Variants in ZBTB7C observed in about 807,000 individuals in gnomAD.
ZBTB7C encodes zinc finger and BTB domain-containing protein 7C.
ZBTB7C carries 8 observed loss-of-function variants against 25.7 expected under a neutral mutation model. The observed-to-expected ratio is 0.31, with a 90% CI of 0.18 to 0.56. ZBTB7C has a LOEUF of 0.56. Among genes scored for constraint, ZBTB7C ranks in the 20% least tolerant of loss-of-function variants. The pLI is 0.91. For missense variants in ZBTB7C, 824 were observed against 855.2 expected (o/e 0.96, Z 0.46); for synonymous variants, 394 against 369.0 (o/e 1.07, Z -0.78).
intron 1 of ZBTB7C, among the ~76,000 whole-genome samples, chr18:48,391,539 C>T (rs972082077): frequency 6.6e-6 from 1 of 152,144 alleles, no homozygotes; most frequent in Non-Finnish European, 1.5e-5. Flanking sequence ...TTAAATTAAC[C>T]AGACATGACT....
At chr18:48,396,792 A>G (rs1053226827) in intron 1 of ZBTB7C, among the ~76,000 whole-genome samples, 1 of 152,232 alleles carries the variant, frequency 6.6e-6, no homozygotes, top group Non-Finnish European at 1.5e-5. Flanking sequence ...TAATACAAGA[A>G]GAATTCTTAT....
chr18:48,172,363 G>A (rs1350270924), intron 3 of ZBTB7C, among the ~76,000 whole-genome samples: 1 of 152,206 alleles, frequency 6.6e-6, no homozygotes, highest in Non-Finnish European at 1.5e-5. Flanking sequence ...GGGGGGCACG[G>A]AGGGCTGGCG....
intron 2 of ZBTB7C, among the ~76,000 whole-genome samples, chr18:48,327,499 C>A (rs576292431): frequency 3.3e-5 from 5 of 152,204 alleles, no homozygotes; most frequent in Non-Finnish European, 7.3e-5. Flanking sequence ...AGCTCACAGC[C>A]ATGAGCACAC....
At chr18:48,405,323 A>C (rs2048255119) in intron 1 of ZBTB7C, among the ~76,000 whole-genome samples, 1 of 151,746 alleles carries the variant, frequency 6.6e-6, no homozygotes. Context: ...ATGCCTTCAA[A>C]CCTCCTCGAC....
chr18:48,094,961 C>G (rs1243361073), intron 3 of ZBTB7C, among the ~76,000 whole-genome samples: 1 of 152,146 alleles, frequency 6.6e-6, no homozygotes, highest in Non-Finnish European at 1.5e-5. Context: ...GCCTGAGAGA[C>G]AGTAATTGTG....
intron 2 of ZBTB7C, among the ~76,000 whole-genome samples, chr18:48,328,632 C>G (rs114133332): frequency 0.035 from 5,287 of 152,202 alleles, 171 homozygotes; most frequent in African/African-American, 0.091. Flanking sequence ...CCAGGGAGGT[C>G]TCGTGGTTGG....
At chr18:48,065,077 C>T (rs1379387365) in intron 3 of ZBTB7C, among the ~76,000 whole-genome samples, 1 of 152,210 alleles carries the variant, frequency 6.6e-6, no homozygotes, top group Non-Finnish European at 1.5e-5. Context: ...AGGACTCTGC[C>T]TCCCACTGAG....
At chr18:48,338,645 C>T (rs557641097) in intron 1 of ZBTB7C, among the ~76,000 whole-genome samples, 39 of 152,198 alleles carry the variant, frequency 2.6e-4, no homozygotes, top group Middle Eastern at 3.4e-3. Flanking sequence ...GCCCTTCATT[C>T]CTTTCTTACC....
upstream of ZBTB7C, among the ~76,000 whole-genome samples, chr18:48,410,502 A>C (rs1328422389): frequency 6.6e-6 from 1 of 152,116 alleles, no homozygotes; most frequent in Non-Finnish European, 1.5e-5. Flanking sequence ...GGGCAGGAGA[A>C]TCTCGCTGGG....
At chr18:48,045,864 C>T (rs2036448447) in intron 3 of ZBTB7C, among the ~76,000 whole-genome samples, 1 of 152,232 alleles carries the variant, frequency 6.6e-6, no homozygotes, top group South Asian at 2.1e-4. Flanking sequence ...ATGGCAAGGG[C>T]TGTCCTTAGC....
chr18:48,332,474 T>A (rs2046361966), intron 2 of ZBTB7C, among the ~76,000 whole-genome samples: 1 of 152,154 alleles, frequency 6.6e-6, no homozygotes, highest in African/African-American at 2.4e-5. Flanking sequence ...GGGAGGCACA[T>A]CTTTTTGAGC....
intron 3 of ZBTB7C, among the ~76,000 whole-genome samples, chr18:48,156,715 T>G (rs561294920): frequency 7.2e-5 from 11 of 152,216 alleles, no homozygotes; most frequent in Non-Finnish European, 1.6e-4. Flanking sequence ...ATTTCCATCA[T>G]TATACCTTTT....
In ZBTB7C at chr18:48,157,966, G is replaced by A. The variant is rs569303284; in HGVS notation, c.-17+27968C>T. Among the ~76,000 whole-genome samples the A allele has an allele frequency of 3.2e-4, 48 of 152,246 alleles. 1 individual carries two copies. The South Asian group carries it at 9.5e-3, about 30-fold the overall frequency. The stretch of plus-strand genomic sequence containing the variant: ...ATTTGGGGATGGAAAGAGGGAATAG[G>A]GCTTGAGGGAGGTGGGGAGCAGGTA... On this transcript the variant is annotated intron_variant, in intron 3 of 4. Transcript: ENST00000590800.
At chr18:48,128,272 G>A (rs757146414) in intron 3 of ZBTB7C, among the ~76,000 whole-genome samples, 8 of 152,162 alleles carry the variant, frequency 5.3e-5, no homozygotes, top group Admixed American at 2.0e-4. Flanking sequence ...CTCATGCACC[G>A]GCCACACAAG....
intron 3 of ZBTB7C, among the ~76,000 whole-genome samples, chr18:48,163,348 C>T (rs560666465): frequency 1.4e-4 from 22 of 152,174 alleles, no homozygotes; most frequent in Non-Finnish European, 2.6e-4. Flanking sequence ...GCTTTCTAGG[C>T]CCCTGAGCTC....
At chr18:48,306,175 G>A (rs1261247243) in intron 2 of ZBTB7C, among the ~76,000 whole-genome samples, 1 of 152,122 alleles carries the variant, frequency 6.6e-6, no homozygotes, top group African/African-American at 2.4e-5. Flanking sequence ...CTGCTATGTA[G>A]ACACCTCCTT....
intron 2 of ZBTB7C, among the ~76,000 whole-genome samples, chr18:48,333,095 C>G (rs2046378010): frequency 2.0e-5 from 3 of 151,906 alleles, no homozygotes; most frequent in Admixed American, 6.6e-5. Context: ...AAATTAGAAA[C>G]TAATTAAGGA....
intron 2 of ZBTB7C, among the ~76,000 whole-genome samples, chr18:48,299,149 C>T (rs369853382): frequency 6.6e-6 from 1 of 152,164 alleles, no homozygotes; most frequent in Non-Finnish European, 1.5e-5. Context: ...CACTTGGTAA[C>T]AGGAATCAGA....
intron 2 of ZBTB7C, among the ~76,000 whole-genome samples, chr18:48,189,090 A>G (rs1355630314): frequency 6.6e-6 from 1 of 152,190 alleles, no homozygotes; most frequent in Non-Finnish European, 1.5e-5. Context: ...TGAGCACACC[A>G]TGGTTGCCGG....
Sources: gnomAD v4.1 joint callset for allele counts (sites outside exome capture counted in the v4.1 genomes callset) on GRCh38, gnomAD v4.1.1 for gene constraint, MANE v1.5 for transcripts, NCBI Gene and HGNC (gene_info 2026-07-23, HGNC 2026-07-21) for gene names.